Variants in WDR83 observed in about 807,000 individuals in gnomAD.
WDR83 encodes WD repeat domain 83, also known as WD repeat domain-containing protein 83.
Under a neutral mutation model 37.7 loss-of-function variants are expected in WDR83, and 37 were observed. That is an observed-to-expected ratio of 0.98 (90% CI 0.76 to 1.29). The LOEUF is 1.29. Among genes scored for constraint, WDR83 ranks in the 50% most tolerant of loss-of-function variants. WDR83 has a pLI of 0.00. For missense variants in WDR83, 445 were observed against 414.4 expected (o/e 1.07, Z -0.64); for synonymous variants, 174 against 181.1 (o/e 0.96, Z 0.31).
Position 12,670,628 on chromosome 19 carries a change from A to C in WDR83, c.379+17A>C. 2 of 1,614,220 alleles carry C rather than the reference A, an allele frequency of 1.2e-6. No individual in the cohort carries two copies. The highest frequency in any genetic ancestry group is 1.7e-6 in the Non-Finnish European group (2 of 1,180,032). ...TCCTGTCCGGTGAGTCTGGGGCCTA[A>C]GCACGGGGGCCCAGGGTGCTGCCCT... On this transcript the variant is annotated intron_variant, in intron 6 of 10. Coordinates refer to ENST00000418543, the MANE Select transcript of WDR83 (RefSeq NM_001099737.3).
Position 12,670,598 on chromosome 19 carries a change from A to C in WDR83, c.366A>C (p.Thr122=). The change falls in exon 6 of 11, where the codon ACA becomes ACC. Residue 122 remains threonine, a synonymous_variant. Transcript: ENST00000418543. ...CGGTGCAGTTTAATGAAGAGGCCAC[A>C]GTTATCCTGTCCGGTGAGTCTGGGG... ...VNTVQFNEEA[T]VILSGSIDSS... 1 of 1,614,228 alleles carries C rather than the reference A, an allele frequency of 6.2e-7. No homozygotes were observed. The highest frequency in any genetic ancestry group is 8.5e-7 in the Non-Finnish European group (1 of 1,180,038).
In WDR83 at chr19:12,670,303, G is replaced by A. The variant is rs754971974; in HGVS notation, c.330+18G>A. Reference sequence around the variant, plus strand: ...ACGCAGGGGTGAGTGAAAGCCTGGAGACCCTCATTTGAGTGGAGGGGACCC... The same window carrying A: ...ACGCAGGGGTGAGTGAAAGCCTGGAAACCCTCATTTGAGTGGAGGGGACCC... On this transcript the variant is annotated intron_variant, in intron 5 of 10. Transcript: ENST00000418543. The A allele has an allele frequency of 1.2e-6, 2 of 1,611,292 alleles. No homozygotes were observed. Among genetic ancestry groups the A allele is most frequent in the Admixed American group, 1.7e-5 (1 of 59,744 alleles).
At position 12,675,680 on chromosome 19, in the gene WDR83, G is replaced by T; in HGVS notation, c.*8G>T. ...GAGGATGGAGCAGGCTGAAGCCAGGGGACCCACCAACAGGACCAAGGACCG... is the reference window on the plus strand; with the variant it reads ...GAGGATGGAGCAGGCTGAAGCCAGGTGACCCACCAACAGGACCAAGGACCG... On this transcript the variant is annotated 3_prime_UTR_variant, in exon 11 of 11. Transcript: ENST00000418543. 1 of 1,599,746 alleles carries T rather than the reference G, an allele frequency of 6.3e-7. No individual in the cohort carries two copies. The highest frequency in any genetic ancestry group is 8.5e-7 in the Non-Finnish European group (1 of 1,178,996).
chr19:12,668,925 C>G (rs2024330827), intron 2 of WDR83, among the ~76,000 whole-genome samples: 1 of 152,192 alleles, frequency 6.6e-6, no homozygotes, highest in South Asian at 2.1e-4. Context: ...GCAGACCAAT[C>G]TGCCACATCC....
rs771346708 is a variant in WDR83, at chr19:12,670,720, T to A, written c.405T>A (p.Cys135Ter). ...LSGSIDSSIR[C>*]WDCRSRRPEP... ...GCTCTATTGATTCCAGTATCCGCTGTTGGGATTGCCGCTCACGGAGGCCTG... is the reference window on the plus strand; with the variant it reads ...GCTCTATTGATTCCAGTATCCGCTGATGGGATTGCCGCTCACGGAGGCCTG... Residue 135 changes from cysteine to a stop codon, truncating the protein, a stop_gained, in exon 7 of 11, where the codon TGT becomes TGA. Coordinates refer to ENST00000418543, the MANE Select transcript of WDR83 (RefSeq NM_001099737.3). LOFTEE classifies it high-confidence loss of function. 5 of 1,614,166 alleles carry A rather than the reference T, an allele frequency of 3.1e-6. No homozygotes were observed. Among genetic ancestry groups the A allele is most frequent in the Non-Finnish European group, 4.2e-6 (5 of 1,180,022 alleles).
Position 12,675,451 on chromosome 19 carries a change from G to T in WDR83, c.799-72G>T. ...GGCTTCAGGCAGGACTGAGATGGGG[G>T]GTGCCCAGGGACCTCAGAAACCAGG... On this transcript the variant is annotated intron_variant, in intron 10 of 10. Coordinates refer to ENST00000418543, the MANE Select transcript of WDR83 (RefSeq NM_001099737.3). 4 of 1,555,380 alleles carry T rather than the reference G, an allele frequency of 2.6e-6. No individual in the cohort carries two copies. The Admixed American group carries it at 5.4e-5, about 21-fold the overall frequency.
rs1193906875 is a variant in WDR83 at position 12,675,649 on chromosome 19, G to A, written c.925G>A (p.Glu309Lys). 1 of 1,601,488 alleles carries A rather than the reference G, an allele frequency of 6.2e-7. No homozygotes were observed. Among genetic ancestry groups the A allele is most frequent in the Non-Finnish European group, 8.5e-7 (1 of 1,179,720 alleles). The change falls in exon 11 of 11, where the codon GAG becomes AAG. Residue 309 changes from glutamate (E) to lysine (K), a missense_variant. Transcript: ENST00000418543. ...CCAGTGCTGGCGAGAGGAGGCCTAT[G>A]AGGCAGAGGATGGAGCAGGCTGAAG... ...SVQCWREEAY[E>K]AEDGAG
chr19:12,666,834 C>G lies in WDR83; in HGVS notation c.-315C>G. ...GGTCTGGAGGCTCACGGGAGAGAGG[C>G]TGTAGCCCTGGGCAATCCCGGGGGT... is the stretch of plus-strand genomic sequence containing the variant. On this transcript the variant is annotated 5_prime_UTR_variant, in exon 1 of 11. Coordinates refer to ENST00000418543, the MANE Select transcript of WDR83 (RefSeq NM_001099737.3). The G allele has an allele frequency of 2.3e-6, 2 of 868,458 alleles. No homozygotes were observed. Among genetic ancestry groups the G allele is most frequent in the Non-Finnish European group, 3.4e-6 (2 of 580,320 alleles). 53.8% of individuals were successfully genotyped at this position (868,458 alleles called of 1,614,324 possible).
At position 12,669,820 on chromosome 19, in the gene WDR83, T is replaced by G; in HGVS notation, c.30T>G (p.Pro10=). The change falls in exon 3 of 11, where the codon CCT becomes CCG. Residue 10 remains proline (P), a synonymous_variant. Coordinates refer to ENST00000418543, the MANE Select transcript of WDR83 (RefSeq NM_001099737.3). MAFPEPKPR[P]PELPQKRLKT... is the part of the protein sequence containing the mutation. ...CTTTCCCTGAGCCAAAGCCGCGGCC[T>G]CCAGAGCTGCCGCAGAAACGGTTGA... 1.2e-6 allele frequency: 2 copies of G among 1,611,348 alleles called. No homozygotes were observed.
rs764808240 is a variant in WDR83 at position 12,672,999 on chromosome 19, T to C, written c.575-9T>C. 1.9e-5 allele frequency: 30 copies of C among 1,611,484 alleles called. No homozygotes were observed. The highest frequency in any genetic ancestry group is 8.0e-5 in the African/African-American group (6 of 74,904). ...CCACCCTCACTCACCTACCCACCCT[T>C]CCCCCAAGGCCCCATCACCTGCACC... On this transcript the variant is annotated splice_polypyrimidine_tract_variant and intron_variant, in intron 8 of 10. Coordinates refer to ENST00000418543, the MANE Select transcript of WDR83 (RefSeq NM_001099737.3).
In WDR83 at chr19:12,666,901, T is replaced by C; in HGVS notation, c.-248T>C. The C allele has an allele frequency of 5.0e-6, 3 of 596,324 alleles. No individual in the cohort carries two copies. Among genetic ancestry groups the C allele is most frequent in the Non-Finnish European group, 8.9e-6 (3 of 338,118 alleles). 36.9% of individuals were successfully genotyped at this position (596,324 alleles called of 1,614,324 possible). ...GAAAATGCCACCCTCAGGGCACTGG[T>C]TGGGCTAAAGGTGACACTGGCGTCT... On this transcript the variant is annotated 5_prime_UTR_variant, in exon 1 of 11. Transcript: ENST00000418543.
chr19:12,669,251 GTCAGGGGCGC>G (rs1325051955), intron 2 of WDR83: 2 of 1,613,372 alleles, frequency 1.2e-6, no homozygotes, highest in Non-Finnish European at 8.5e-7. Flanking sequence ...AGGCTCGAGG[GTCAGGGGCGC>G]TCAGGTCCTG....
chr19:12,672,632 A>C, intron 7 of WDR83: 2 of 575,270 alleles, frequency 3.5e-6, no homozygotes, highest in Non-Finnish European at 6.2e-6. Context: ...AAAAGGGGGA[A>C]TCAGAAGGAC....
At chr19:12,672,784 C>G (rs1295567553) in intron 7 of WDR83, 63 bp from the exon 8 acceptor site, 30 of 1,522,258 alleles carry the variant, frequency 2.0e-5, no homozygotes, top group Non-Finnish European at 2.7e-5. Flanking sequence ...TGGGAAGGCA[C>G]AGGGCTGCCT....
intron 5 of WDR83, 67 bp downstream of exon 5, chr19:12,670,352 C>T (rs2024375990): frequency 1.3e-6 from 2 of 1,553,478 alleles, no homozygotes; most frequent in Non-Finnish European, 8.8e-7. Context: ...GGTGGTGACA[C>T]GGCCACCCCC....
intron 1 of WDR83, 58 bp from the exon 2 acceptor site, chr19:12,668,450 C>A: frequency 6.2e-7 from 1 of 1,613,278 alleles, no homozygotes; most frequent in South Asian, 1.1e-5. Flanking sequence ...AGGTGTCAGT[C>A]TAGGATGGCC....
At position 12,670,115 on chromosome 19, in the gene WDR83, C is replaced by T. The variant is rs2024367342; in HGVS notation, c.224+18C>T. On this transcript the variant is annotated intron_variant, in intron 4 of 10. Transcript: ENST00000418543. ...GCGGCCGGGTGAGCCGGGGACCAGG[C>T]TGGGATGGGAGCGCTGAGGCTGGGA... 2 of 1,607,910 alleles carry T rather than the reference C, an allele frequency of 1.2e-6. No homozygotes were observed. The highest frequency in any genetic ancestry group is 1.3e-5 in the African/African-American group (1 of 74,884).
Position 12,669,492 on chromosome 19 carries a change from C to T in WDR83, c.-36-263C>T. The T allele has an allele frequency of 2.0e-6, 3 of 1,468,586 alleles. 1 individual carries two copies. The highest frequency in any genetic ancestry group is 2.4e-5 in the South Asian group (2 of 82,292). The allele number at this position is 1,468,586 out of a possible 1,614,324, so 91.0% of individuals were successfully genotyped here. A position where few individuals can be genotyped will look rare whatever the true frequency, so the allele number is the denominator to read the frequency against. ...TGAGGGCGGATTTTAGAGTAACACC[C>T]GAGGCCCTCGCATTTCCGTTCCTCA... is the stretch of plus-strand genomic sequence containing the variant. On this transcript the variant is annotated intron_variant, in intron 2 of 10. Transcript: ENST00000418543.
At position 12,668,600 on chromosome 19, in the gene WDR83, C is replaced by T. The variant is rs1020923116; in HGVS notation, c.-64C>T. On this transcript the variant is annotated 5_prime_UTR_variant, in exon 2 of 11. Coordinates refer to ENST00000418543, the MANE Select transcript of WDR83 (RefSeq NM_001099737.3). ...TGATGAAGGAGCAGTAGACAGCGAC[C>T]CAAGCACACCACTTCAGCTAGGGAA... 1 of 1,614,044 alleles carries T rather than the reference C, an allele frequency of 6.2e-7. No individual in the cohort carries two copies. Among genetic ancestry groups the T allele is most frequent in the African/African-American group, 1.3e-5 (1 of 75,018 alleles).
Sources: gnomAD v4.1 joint callset for allele counts (sites outside exome capture counted in the v4.1 genomes callset) on GRCh38, gnomAD v4.1.1 for gene constraint, MANE v1.5 for transcripts, NCBI Gene and HGNC (gene_info 2026-07-23, HGNC 2026-07-21) for gene names.